LIMCH1: variants seen among roughly 807,000 people sequenced by gnomAD.
LIMCH1 encodes the protein LIM and calponin homology domains 1.
In LIMCH1, 113 loss-of-function variants were observed where a neutral mutation model predicts 176.5. That is an observed-to-expected ratio of 0.64 (90% CI 0.55 to 0.75). The LOEUF is 0.75. Ranked by LOEUF, LIMCH1 falls within the 30% of genes least tolerant of loss-of-function variation. LIMCH1 has a pLI of 0.00. For missense variants in LIMCH1, 1,674 were observed against 1,814.9 expected (o/e 0.92, Z 1.41); for synonymous variants, 619 against 645.9 (o/e 0.96, Z 0.63).
At chr4:41,403,831 G>A (rs901305299) in intron 1 of LIMCH1, among the ~76,000 whole-genome samples, 1 of 152,174 alleles carries the variant, frequency 6.6e-6, no homozygotes, top group Non-Finnish European at 1.5e-5. Flanking sequence ...CACATGAAGG[G>A]ATGGAATGGT....
At chr4:41,589,696 T>C (rs529009772) in intron 1 of LIMCH1, among the ~76,000 whole-genome samples, 14 of 152,308 alleles carry the variant, frequency 9.2e-5, no homozygotes, top group Admixed American at 2.0e-4. Context: ...ATGTGGATGA[T>C]GTCTCTGGGT....
intron 1 of LIMCH1, among the ~76,000 whole-genome samples, chr4:41,387,590 G>C (rs2056669744): frequency 6.6e-6 from 1 of 152,214 alleles, no homozygotes; most frequent in Admixed American, 6.5e-5. Context: ...TTTTAACAGA[G>C]CCAAGGCAGC....
chr4:41,520,610 C>T (rs996734055), intron 2 of LIMCH1, among the ~76,000 whole-genome samples: 1 of 152,188 alleles, frequency 6.6e-6, no homozygotes, highest in Non-Finnish European at 1.5e-5. Context: ...GTTGCCCTTC[C>T]TGTGCCTAGA....
At chr4:41,666,763 C>T (rs2094840882) in intron 21 of LIMCH1, 97 bp downstream of exon 21, 2 of 797,336 alleles carry the variant, frequency 2.5e-6, no homozygotes, top group Non-Finnish European at 4.2e-6. Context: ...CTTTATGTTG[C>T]TATTCCTTTA....
At chr4:41,692,211 A>G in intron 30 of LIMCH1, 71 bp from the exon 31 acceptor site, 1 of 889,542 alleles carries the variant, frequency 1.1e-6, no homozygotes, top group Non-Finnish European at 1.9e-6. Flanking sequence ...TATTCACATA[A>G]ACAGTAACTA....
In LIMCH1 at chr4:41,629,497, A is replaced by G; in HGVS notation, c.1034A>G (p.Gln345Arg). The part of the protein sequence containing the change: ...KKRSLEYKRN[Q>R]GHTEEVKLIV... ...GGCCCGGATCAAATGGACAGAAACC[A>G]GGGCCACACAGAAGAGGTGAAGTTG... The change falls in exon 9 of 32, where the codon CAG becomes CGG. Residue 345 changes from glutamine (Q) to arginine (R), a missense_variant. Around this residue, in one of 3 missense-constraint regions of LIMCH1, gnomAD observed 655 missense variants for 692.2 expected, o/e 0.95. Coordinates refer to ENST00000503057, the MANE Select transcript of LIMCH1 (RefSeq NM_001330672.2). 6.5e-7 allele frequency: 1 copy of G among 1,536,026 alleles called. No homozygotes were observed. Among genetic ancestry groups the G allele is most frequent in the Non-Finnish European group, 8.7e-7 (1 of 1,146,884 alleles).
At chr4:41,386,430 A>C (rs1432466756) in intron 1 of LIMCH1, among the ~76,000 whole-genome samples, 1 of 152,238 alleles carries the variant, frequency 6.6e-6, no homozygotes. Context: ...GGTTGTTTTC[A>C]GGAATACATG....
rs575366502 is a variant in LIMCH1, at chr4:41,423,804, G to A, written c.96+62868G>A. Among the ~76,000 whole-genome samples the A allele has an allele frequency of 2.6e-5, 4 of 152,326 alleles. No homozygotes were observed. The South Asian group carries it at 8.3e-4, about 32-fold the overall frequency. ...TTTTCGGTGAAAGTGCTATAAAGGT[G>A]TGGAGTTTGGGGGAAAGTAAGTGTT... On this transcript the variant is annotated intron_variant, in intron 1 of 26. Transcript: ENST00000313860.
At chr4:41,600,080 G>A (rs960496043) in intron 2 of LIMCH1, among the ~76,000 whole-genome samples, 2 of 151,992 alleles carry the variant, frequency 1.3e-5, no homozygotes, top group African/African-American at 2.4e-5. Context: ...GGTTTATGTT[G>A]GATTTTGTGA....
chr4:41,612,815 T>A, intron 4 of LIMCH1: 2 of 1,113,180 alleles, frequency 1.8e-6, no homozygotes, highest in Non-Finnish European at 2.5e-6. Flanking sequence ...TTCTGAGGCA[T>A]CAGGAAAAGC....
intron 1 of LIMCH1, among the ~76,000 whole-genome samples, chr4:41,491,774 C>T (rs143986150): frequency 0.18 from 25,824 of 141,276 alleles, 2,567 homozygotes; most frequent in South Asian, 0.31. Flanking sequence ...TCGGGGCAGC[C>T]GGGCAGAGGC....
In LIMCH1 at chr4:41,681,074, T is replaced by G; in HGVS notation, c.3717+15T>G. ...GTGGGACAATGGTGAGACCACAGATTAAAAGCAATTTGTGAAATAAATAAA... is the reference window on the plus strand; with the variant it reads ...GTGGGACAATGGTGAGACCACAGATGAAAAGCAATTTGTGAAATAAATAAA... On this transcript the variant is annotated intron_variant, in intron 25 of 31. Transcript: ENST00000503057. The G allele has an allele frequency of 3.4e-6, 5 of 1,488,152 alleles. No individual in the cohort carries two copies. The highest frequency in any genetic ancestry group is 4.7e-6 in the Non-Finnish European group (5 of 1,069,264). 92.2% of individuals were successfully genotyped at this position (1,488,152 alleles called of 1,614,324 possible). A position where few individuals can be genotyped will look rare whatever the true frequency, so the allele number is the denominator to read the frequency against.
chr4:41,671,861 G>T (rs1358330928), intron 22 of LIMCH1, among the ~76,000 whole-genome samples: 1 of 138,188 alleles, frequency 7.2e-6, no homozygotes, highest in Non-Finnish European at 1.5e-5. Context: ...CTCCAGTCTG[G>T]GTGACAGAGC....
chr4:41,464,524 G>A (rs1401844043), intron 1 of LIMCH1, among the ~76,000 whole-genome samples: 6 of 151,550 alleles, frequency 4.0e-5, no homozygotes, highest in African/African-American at 7.3e-5. Flanking sequence ...TTACAGGTGC[G>A]TGCCCCCACC....
intron 2 of LIMCH1, among the ~76,000 whole-genome samples, chr4:41,509,947 A>G (rs535070353): frequency 1.3e-5 from 2 of 152,358 alleles, no homozygotes; most frequent in East Asian, 3.9e-4. Context: ...TTGCCTTTGG[A>G]ATATTCTCAA....
At chr4:41,370,166 C>T (rs886151088) in intron 1 of LIMCH1, among the ~76,000 whole-genome samples, 3 of 152,098 alleles carry the variant, frequency 2.0e-5, no homozygotes, top group East Asian at 1.9e-4. Flanking sequence ...TTTAAATAAA[C>T]ATGCCCCCAG....
In LIMCH1 at chr4:41,677,189, C is replaced by T. The variant is rs955573799; in HGVS notation, c.3519+727C>T. ...AAAAAAAAAGCCGATGTGAGTGGAT[C>T]ACCTGAGGTCAGGAGTTGGAGACTA... On this transcript the variant is annotated intron_variant, in intron 23 of 31. Coordinates refer to ENST00000503057, the MANE Select transcript of LIMCH1 (RefSeq NM_001330672.2). 1.0e-4 allele frequency among the ~76,000 whole-genome samples: 15 copies of T among 149,758 alleles called. No homozygotes were observed. In the South Asian group the frequency reaches 1.5e-3, roughly 15 times the overall value.
At chr4:41,411,581 A>G (rs567197511) in intron 1 of LIMCH1, among the ~76,000 whole-genome samples, 1 of 152,026 alleles carries the variant, frequency 6.6e-6, no homozygotes, top group East Asian at 1.9e-4. Flanking sequence ...TCTCTCACAA[A>G]TGGCTGGGAT....
chr4:41,421,006 T>C (rs567662972), intron 1 of LIMCH1, among the ~76,000 whole-genome samples: 1 of 152,354 alleles, frequency 6.6e-6, no homozygotes, highest in African/African-American at 2.4e-5. Context: ...CGTGTACACC[T>C]TGACCTGGAT....
Sources: allele counts gnomAD v4.1 joint callset (sites outside exome capture counted in the v4.1 genomes callset), GRCh38; gene constraint gnomAD v4.1.1; regional missense constraint gnomAD v4.1.1; transcripts MANE v1.5; gene names NCBI Gene and HGNC (gene_info 2026-07-23, HGNC 2026-07-21).